Variants in ROBO2 observed in about 807,000 individuals in gnomAD.
ROBO2 encodes roundabout homolog 2.
In ROBO2, 53 loss-of-function variants were observed where a neutral mutation model predicts 160.8. That is an observed-to-expected ratio of 0.33 (90% confidence interval 0.26 to 0.41). The LOEUF is 0.41. ROBO2 is among the 10% of genes least tolerant of loss of function. The pLI, the probability that ROBO2 is intolerant of heterozygous loss-of-function variation, is 1.00. For missense variants in ROBO2, 1,577 were observed against 1,722.4 expected (o/e 0.92, Z 1.49); for synonymous variants, 664 against 611.7 (o/e 1.09, Z -1.26).
intron 2 of ROBO2, among the ~76,000 whole-genome samples, chr3:77,288,712 C>A (rs1052601102): frequency 6.6e-6 from 1 of 151,942 alleles, no homozygotes; most frequent in South Asian, 2.1e-4. Context: ...GAATGTGTTA[C>A]AACGGATCTA....
intron 2 of ROBO2, among the ~76,000 whole-genome samples, chr3:76,710,492 G>A (rs185265579): frequency 4.8e-4 from 73 of 152,250 alleles, no homozygotes; most frequent in Middle Eastern, 6.8e-3. Flanking sequence ...TAAACTAGTA[G>A]TAATTTGTTT....
chr3:75,911,278 C>T (rs536015877), intron 1 of ROBO2, among the ~76,000 whole-genome samples: 16 of 152,148 alleles, frequency 1.1e-4, no homozygotes, highest in African/African-American at 2.9e-4. Flanking sequence ...GTGATGTACA[C>T]GATCTATTAC....
chr3:76,484,738 C>G (rs562412808), intron 2 of ROBO2, among the ~76,000 whole-genome samples: 28 of 152,032 alleles, frequency 1.8e-4, no homozygotes, highest in Non-Finnish European at 3.7e-4. Context: ...CTTATTATTT[C>G]AAGTGGTAGC....
intron 2 of ROBO2, among the ~76,000 whole-genome samples, chr3:76,315,625 TTAAG>T (rs2107820426): frequency 6.6e-6 from 1 of 152,348 alleles, no homozygotes; most frequent in Non-Finnish European, 1.5e-5. Flanking sequence ...GAAAAAATTA[TTAAG>T]TATTTGATGG....
intron 2 of ROBO2, among the ~76,000 whole-genome samples, chr3:76,184,370 C>T (rs1236040017): frequency 6.6e-6 from 1 of 152,026 alleles, no homozygotes; most frequent in Non-Finnish European, 1.5e-5. Context: ...TGCAATGGCC[C>T]TTGAGGTCTA....
At chr3:76,593,683 T>C (rs1025659483) in intron 2 of ROBO2, among the ~76,000 whole-genome samples, 8 of 152,006 alleles carry the variant, frequency 5.3e-5, no homozygotes, top group Admixed American at 5.2e-4. Context: ...TCAGAAACAC[T>C]AGTAAAAATG....
intron 4 of ROBO2, among the ~76,000 whole-genome samples, chr3:77,484,410 T>G (rs556087067): frequency 2.6e-5 from 4 of 152,070 alleles, no homozygotes; most frequent in African/African-American, 9.6e-5. Flanking sequence ...TGTTTATGAA[T>G]GCAATACACG....
At chr3:76,420,436 A>C (rs983208930) in intron 2 of ROBO2, among the ~76,000 whole-genome samples, 10 of 152,230 alleles carry the variant, frequency 6.6e-5, no homozygotes, top group African/African-American at 2.2e-4. Context: ...AATTGCCGGC[A>C]TTGATCTACT....
intron 2 of ROBO2, among the ~76,000 whole-genome samples, chr3:76,940,016 G>A (rs1422589925): frequency 7.6e-6 from 1 of 132,036 alleles, no homozygotes; most frequent in African/African-American, 3.0e-5. Context: ...GAGTCTCGCT[G>A]TGTCACCCAG....
intron 2 of ROBO2, among the ~76,000 whole-genome samples, chr3:76,266,949 A>T (rs1707136034): frequency 6.6e-6 from 1 of 152,196 alleles, no homozygotes; most frequent in Admixed American, 6.5e-5. Flanking sequence ...TAGATATTTT[A>T]AAAATCCACA....
chr3:76,265,325 T>G (rs1312120802), intron 2 of ROBO2, among the ~76,000 whole-genome samples: 1 of 152,232 alleles, frequency 6.6e-6, no homozygotes, highest in Non-Finnish European at 1.5e-5. Context: ...CATGTTGATC[T>G]GTTTTAATAT....
chr3:76,948,904 ATATATTT>A (rs1237781411), intron 2 of ROBO2, among the ~76,000 whole-genome samples: 84 of 24,800 alleles, frequency 3.4e-3, no homozygotes, highest in Admixed American at 8.1e-3. Flanking sequence ...ATATATATAT[ATATATTT>A]TTTTTTTTTT....
intron 2 of ROBO2, among the ~76,000 whole-genome samples, chr3:76,355,923 C>T (rs994040986): frequency 6.6e-6 from 1 of 151,670 alleles, no homozygotes; most frequent in Admixed American, 6.6e-5. Flanking sequence ...GATTGATTCA[C>T]CCCTTACAGC....
intron 2 of ROBO2, among the ~76,000 whole-genome samples, chr3:77,246,851 C>T (rs904042899): frequency 6.6e-6 from 1 of 152,084 alleles, no homozygotes; most frequent in Non-Finnish European, 1.5e-5. Context: ...TTATTTTACA[C>T]AAGCTATCTC....
At chr3:76,985,992 T>G (rs550047913) in intron 2 of ROBO2, among the ~76,000 whole-genome samples, 1 of 152,318 alleles carries the variant, frequency 6.6e-6, no homozygotes, top group South Asian at 2.1e-4. Flanking sequence ...ACCTTTTTAT[T>G]TTTGAAAATG....
intron 2 of ROBO2, among the ~76,000 whole-genome samples, chr3:76,787,333 C>CACAA (rs1173883194): frequency 1.4e-5 from 2 of 142,674 alleles, no homozygotes; most frequent in East Asian, 4.3e-4. Context: ...ACACACCACA[C>CACAA]ACACACACAC....
rs145544387 is a variant in ROBO2 at position 76,517,234 on chromosome 3, G to A, written c.109+579632G>A. 3.2e-3 allele frequency among the ~76,000 whole-genome samples: 491 copies of A among 152,258 alleles called. 8 individuals carry two copies. The South Asian group carries it at 0.041, about 13-fold the overall frequency. On this transcript the variant is annotated intron_variant, in intron 2 of 26. Transcript: ENST00000487694. ...ACATATATGTGAGTGTTTAATGAGT[G>A]CATCTGCCCATTGAATGAATTTCAC... is the stretch of plus-strand genomic sequence containing the variant.
chr3:77,564,453 T>C, intron 11 of ROBO2: 1 of 455,930 alleles, frequency 2.2e-6, no homozygotes, highest in Non-Finnish European at 4.4e-6. Flanking sequence ...TTTACAGATA[T>C]GTAGTTTAGA....
intron 2 of ROBO2, among the ~76,000 whole-genome samples, chr3:77,128,119 A>G (rs1266229289): frequency 6.6e-6 from 1 of 152,144 alleles, no homozygotes; most frequent in African/African-American, 2.4e-5. Context: ...CTTACTTCTC[A>G]TTTATTTAAG....
Sources: allele counts gnomAD v4.1 joint callset (sites outside exome capture counted in the v4.1 genomes callset), GRCh38; gene constraint gnomAD v4.1.1; transcripts MANE v1.5; gene names NCBI Gene and HGNC (gene_info 2026-07-23, HGNC 2026-07-21).